Variants in LIMS1 observed in about 807,000 individuals in gnomAD.
LIMS1 encodes LIM and senescent cell antigen-like-containing domain protein 1.
Under a neutral mutation model 44.1 loss-of-function variants are expected in LIMS1, and 18 were observed. The observed-to-expected ratio is 0.41, with a 90% confidence interval of 0.28 to 0.61. LIMS1 has a LOEUF of 0.61. LIMS1 is among the 20% of genes least tolerant of loss of function. The probability of loss-of-function intolerance (pLI) is 0.32; values close to 1 mark genes in which losing one functional copy is unlikely to be tolerated. For synonymous variants in LIMS1, 93 were observed against 149.1 expected (o/e 0.62, Z 2.74); for missense variants, 201 against 422.0 (o/e 0.48, Z 4.59).
At chr2:108,671,275 T>G (rs1367924785) in intron 3 of LIMS1, among the ~76,000 whole-genome samples, 6 of 151,978 alleles carry the variant, frequency 3.9e-5, no homozygotes, top group Non-Finnish European at 4.4e-5. Flanking sequence ...TGTTGGATAC[T>G]TCATCACTCC....
intron 1 of LIMS1, among the ~76,000 whole-genome samples, chr2:108,562,186 T>C (rs1353917017): frequency 6.6e-6 from 1 of 152,232 alleles, no homozygotes; most frequent in Non-Finnish European, 1.5e-5. Flanking sequence ...TCTCTCACCC[T>C]CTCCTTGGGC....
At chr2:108,629,306 CAA>C (rs1412766366) in intron 1 of LIMS1, among the ~76,000 whole-genome samples, 1 of 151,914 alleles carries the variant, frequency 6.6e-6, no homozygotes, top group Non-Finnish European at 1.5e-5. Flanking sequence ...GGATTGTTTC[CAA>C]AAAAGTTTCT....
intron 1 of LIMS1, among the ~76,000 whole-genome samples, chr2:108,614,439 A>T (rs1012097124): frequency 2.6e-5 from 4 of 152,302 alleles, no homozygotes; most frequent in African/African-American, 9.6e-5. Context: ...CTTAGCTTGT[A>T]TCCTATGGTC....
chr2:108,673,030 G>A lies in LIMS1; in HGVS notation c.530+1G>A. ...ACCATTTCAACTGCGCCAACTGCGG[G>A]TACTGGAATTGTTTCTTTTTTATTA... is the stretch of plus-strand genomic sequence containing the variant. On this transcript the variant is annotated splice_donor_variant, in intron 5 of 9. Coordinates refer to ENST00000544547, the Ensembl canonical transcript of LIMS1. LOFTEE classifies it high-confidence loss of function. 7.8e-7 allele frequency: 1 copy of A among 1,289,816 alleles called. No individual in the cohort carries two copies. The highest frequency in any genetic ancestry group is 1.1e-6 in the Non-Finnish European group (1 of 946,328). The allele number at this position is 1,289,816 out of a possible 1,614,324, so 79.9% of individuals were successfully genotyped here.
intron 1 of LIMS1, among the ~76,000 whole-genome samples, chr2:108,615,028 C>A (rs1285030410): frequency 6.6e-6 from 1 of 151,980 alleles, no homozygotes; most frequent in Non-Finnish European, 1.5e-5. Context: ...TTTGTAATGA[C>A]GATTTAGTTT....
intron 1 of LIMS1, among the ~76,000 whole-genome samples, chr2:108,593,937 G>A (rs1213196063): frequency 1.3e-5 from 2 of 152,170 alleles, no homozygotes; most frequent in African/African-American, 4.8e-5. Flanking sequence ...GACCCTAGTG[G>A]TAAGTAAAGG....
At chr2:108,583,700 C>CTTTTTTT (rs759827869) in intron 1 of LIMS1, among the ~76,000 whole-genome samples, 43,947 of 128,594 alleles carry the variant, frequency 0.34, 9,255 homozygotes, top group East Asian at 0.92. Context: ...GTTGCTGTTT[C>CTTTTTTT]TTTTTTTTTT....
chr2:108,586,340 G>C (rs556400814), intron 1 of LIMS1, among the ~76,000 whole-genome samples: 2 of 152,330 alleles, frequency 1.3e-5, no homozygotes, highest in Admixed American at 1.3e-4. Context: ...TCGGGGGAAA[G>C]AGCCCAAAAA....
intron 1 of LIMS1, among the ~76,000 whole-genome samples, chr2:108,613,471 T>A (rs979379327): frequency 1.3e-5 from 2 of 151,966 alleles, no homozygotes; most frequent in African/African-American, 4.8e-5. Context: ...TCCCTGGCCC[T>A]CTGTGTCCAG....
chr2:108,612,005 C>T (rs1558809147), intron 1 of LIMS1, among the ~76,000 whole-genome samples: 3 of 135,072 alleles, frequency 2.2e-5, no homozygotes, highest in African/African-American at 5.9e-5. Flanking sequence ...TATATATACA[C>T]ACATATATAT....
intron 1 of LIMS1, among the ~76,000 whole-genome samples, chr2:108,600,933 C>CTTCTCTTCTCTTCTCTTCTCTTCTCTT (rs777729154): frequency 6.7e-6 from 1 of 149,484 alleles, no homozygotes; most frequent in African/African-American, 2.5e-5. Context: ...CTTCTCTTCT[C>CTTCTCTTCTCTTCTCTTCTCTTCTCTT]TTTTTTCTTC....
At chr2:108,683,583 T>C (rs1186415332) in intron 9 of LIMS1, among the ~76,000 whole-genome samples, 5 of 148,412 alleles carry the variant, frequency 3.4e-5, no homozygotes, top group Admixed American at 1.4e-4. Flanking sequence ...CTTAAGTTAA[T>C]TATATTTACA....
intron 1 of LIMS1, among the ~76,000 whole-genome samples, chr2:108,646,606 C>G (rs1031228626): frequency 3.9e-5 from 6 of 152,118 alleles, no homozygotes; most frequent in Non-Finnish European, 7.4e-5. Context: ...CAAAAGCTAG[C>G]AGAAGACAAG....
chr2:108,550,898 A>G (rs1684665722), intron 1 of LIMS1, among the ~76,000 whole-genome samples: 1 of 151,810 alleles, frequency 6.6e-6, no homozygotes, highest in African/African-American at 2.4e-5. Flanking sequence ...AGGTGGGAGG[A>G]TTGCTTGAGG....
chr2:108,657,286 C>G (rs1236049403), intron 1 of LIMS1, among the ~76,000 whole-genome samples: 1 of 151,022 alleles, frequency 6.6e-6, no homozygotes, highest in Non-Finnish European at 1.5e-5. Flanking sequence ...TGATCCAGGA[C>G]ATTCTAGAAT....
At chr2:108,579,179 C>G (rs1685792085) in intron 1 of LIMS1, among the ~76,000 whole-genome samples, 1 of 152,072 alleles carries the variant, frequency 6.6e-6, no homozygotes, top group African/African-American at 2.4e-5. Context: ...TGAATTTTCA[C>G]CTTTATAATT....
At chr2:108,641,840 T>C (rs1250443182) in intron 1 of LIMS1, among the ~76,000 whole-genome samples, 1 of 152,234 alleles carries the variant, frequency 6.6e-6, no homozygotes, top group Non-Finnish European at 1.5e-5. Flanking sequence ...TCTCACTGTC[T>C]GTTGAAAGAA....
chr2:108,631,690 C>T (rs1201918110), intron 1 of LIMS1, among the ~76,000 whole-genome samples: 1 of 152,090 alleles, frequency 6.6e-6, no homozygotes, highest in Non-Finnish European at 1.5e-5. Context: ...TGGATGTTGT[C>T]ACACAGACTC....
intron 1 of LIMS1, among the ~76,000 whole-genome samples, chr2:108,610,148 ATGTGTGTGTGTGTGTGTGTG>A (rs60571292): frequency 3.7e-4 from 53 of 143,384 alleles, no homozygotes; most frequent in Admixed American, 1.5e-3. Context: ...GTTACAAAAA[ATGTGTGTGTGTGTGTGTGTG>A]TGTGTGTGTG....
Sources: gnomAD v4.1 joint callset for allele counts (sites outside exome capture counted in the v4.1 genomes callset) on GRCh38, gnomAD v4.1.1 for gene constraint, MANE v1.5 for transcripts, NCBI Gene and HGNC (gene_info 2026-07-23, HGNC 2026-07-21) for gene names.